The following ZNF75D variants were observed in gnomAD, a reference collection of about 807,000 sequenced individuals.
The protein encoded by ZNF75D is zinc finger protein 75D, also known as zinc finger protein 75.
Under a neutral mutation model 33.3 loss-of-function variants are expected in ZNF75D, and 33 were observed. The observed-to-expected ratio is 0.99, with a 90% CI of 0.75 to 1.32. The LOEUF is 1.32. ZNF75D is among the 40% of genes most tolerant of loss of function. ZNF75D has a pLI of 0.00. For synonymous variants in ZNF75D, 113 were observed against 130.6 expected (o/e 0.87, Z 0.92); for missense variants, 338 against 367.5 (o/e 0.92, Z 0.66).
At chrX:135,282,649 G>A (rs1293577667), downstream of ZNF75D, among the ~76,000 whole-genome samples, 1 of 111,819 alleles carries the variant, frequency 8.9e-6, no homozygotes, top group Non-Finnish European at 1.9e-5. Flanking sequence ...TGGTCTGTGG[G>A]TTGTGAATAC....
chrX:135,309,841 T>C (rs1447338280), intron 1 of ZNF75D, among the ~76,000 whole-genome samples: 3 of 111,909 alleles, frequency 2.7e-5, no homozygotes, highest in African/African-American at 9.7e-5. Context: ...TGACAGGGCT[T>C]ACTTGGGTTA....
Position 135,278,940 on chromosome X carries a change from C to T in ZNF75D, n.828-23163G>A, listed in dbSNP as rs149277489. 1.1e-4 allele frequency among the ~76,000 whole-genome samples: 12 copies of T among 111,469 alleles called. No homozygotes were observed. The East Asian group carries it at 3.4e-3, about 31-fold the overall frequency. ...ATTGATGTTTATCAGGGATATTGGCCTGAAATTTTCTTTTGTGTGTGTGTG... is the reference window on the plus strand; with the variant it reads ...ATTGATGTTTATCAGGGATATTGGCTTGAAATTTTCTTTTGTGTGTGTGTG... On this transcript the variant is annotated intron_variant and non_coding_transcript_variant, in intron 1 of 3. Transcript: ENST00000494295.
intron 1 of ZNF75D, among the ~76,000 whole-genome samples, chrX:135,324,245 C>A (rs2084533294): frequency 9.0e-6 from 1 of 111,460 alleles, no homozygotes; most frequent in Admixed American, 9.5e-5. Context: ...AGAAGTGAAC[C>A]CAATTGATCT....
rs190740920 is a variant in ZNF75D at position 135,276,861 on chromosome X, A to G, written n.828-21084T>C. 3.4e-3 allele frequency among the ~76,000 whole-genome samples: 386 copies of G among 111,997 alleles called. 1 individual carries two copies. The highest frequency in any genetic ancestry group is 5.9e-3 in the Non-Finnish European group (314 of 53,185). The stretch of plus-strand genomic sequence containing the variant: ...GACTGCATAGTATTCCGTGGTGTAT[A>G]TGTGTCACTTTTTCTTTATCCAGTC... On this transcript the variant is annotated intron_variant and non_coding_transcript_variant, in intron 1 of 3. Coordinates refer to the ZNF75D transcript ENST00000494295.
chrX:135,280,040 T>C (rs1172831153), intron 1 of ZNF75D, among the ~76,000 whole-genome samples: 3 of 111,448 alleles, frequency 2.7e-5, no homozygotes, highest in African/African-American at 9.8e-5. Context: ...AATATGCTTG[T>C]TAATTTTCTG....
At chrX:135,289,445 G>A (rs2084003657) in intron 6 of ZNF75D, among the ~76,000 whole-genome samples, 1 of 111,729 alleles carries the variant, frequency 9.0e-6, no homozygotes, top group East Asian at 2.8e-4. Flanking sequence ...GTGAAACCAT[G>A]TCTCCAACAA....
chrX:135,319,903 C>T (rs977713746), intron 1 of ZNF75D, among the ~76,000 whole-genome samples: 2 of 112,619 alleles, frequency 1.8e-5, no homozygotes, highest in East Asian at 5.5e-4. Flanking sequence ...ATTCTACCTA[C>T]TGTTTCTTAG....
At chrX:135,337,794 G>A (rs1393002955) in intron 1 of ZNF75D, among the ~76,000 whole-genome samples, 2 of 111,459 alleles carry the variant, frequency 1.8e-5, no homozygotes, top group Non-Finnish European at 3.8e-5. Context: ...CTACCGAGAT[G>A]TTCCCTTATG....
intron 1 of ZNF75D, among the ~76,000 whole-genome samples, chrX:135,303,210 A>G (rs1556425090): frequency 9.2e-6 from 1 of 109,182 alleles, no homozygotes; most frequent in South Asian, 4.1e-4. Flanking sequence ...GGCAGGAGAC[A>G]GATGCCTTCC....
At chrX:135,289,876 T>C (rs1336790989) in intron 6 of ZNF75D, among the ~76,000 whole-genome samples, 3 of 111,899 alleles carry the variant, frequency 2.7e-5, no homozygotes, top group Non-Finnish European at 3.8e-5. Context: ...TTTGATTGCC[T>C]AGTAGTCCTT....
intron 1 of ZNF75D, among the ~76,000 whole-genome samples, chrX:135,257,398 G>C (rs2083808893): frequency 8.8e-6 from 1 of 113,195 alleles, no homozygotes; most frequent in African/African-American, 3.2e-5. Context: ...CCATGGACCA[G>C]TGGTGATGGT....
intron 1 of ZNF75D, among the ~76,000 whole-genome samples, chrX:135,264,684 A>G (rs2083856266): frequency 9.0e-6 from 1 of 111,662 alleles, no homozygotes; most frequent in South Asian, 3.7e-4. Flanking sequence ...AATTTCACAA[A>G]AGATTGAAAT....
chrX:135,271,552 C>T (rs868991531), intron 1 of ZNF75D, among the ~76,000 whole-genome samples: 2 of 112,006 alleles, frequency 1.8e-5, no homozygotes, highest in South Asian at 7.5e-4. Flanking sequence ...TAATGTCTTG[C>T]AAAGCCAGTG....
chrX:135,318,502 G>T (rs781866581), intron 1 of ZNF75D, among the ~76,000 whole-genome samples: 1 of 111,160 alleles, frequency 9.0e-6, no homozygotes, highest in Non-Finnish European at 1.9e-5. Context: ...ATTTCATTTC[G>T]GAACTTAGAT....
chrX:135,315,338 C>G (rs1556430902), intron 1 of ZNF75D, among the ~76,000 whole-genome samples: 1 of 111,926 alleles, frequency 8.9e-6, no homozygotes, highest in Non-Finnish European at 1.9e-5. Context: ...ATTTGTTGAG[C>G]CTTTTTTTGG....
At chrX:135,309,352 A>G in intron 1 of ZNF75D, 2 of 289,369 alleles carry the variant, frequency 6.9e-6, no homozygotes, top group Admixed American at 1.2e-4. Flanking sequence ...ATGATGGCCC[A>G]AAGTGTGTGT....
chrX:135,337,687 T>C (rs1468565493), intron 1 of ZNF75D, among the ~76,000 whole-genome samples: 1 of 110,504 alleles, frequency 9.0e-6, no homozygotes, highest in African/African-American at 3.3e-5. Flanking sequence ...GAGGTAAATA[T>C]TGGAATCCTA....
Position 135,293,874 on chromosome X carries a change from C to T in ZNF75D, c.267G>A (p.Leu89=), listed in dbSNP as rs1556421980. Residue 89 remains leucine (L), a synonymous_variant, in exon 3 of 7, where the codon TTG becomes TTA. Transcript: ENST00000370766. ...RPEIHSKEQI[L]EMLVLEQFLS... ...GGAACTGCTCTAACACCAGCATTTC[C>T]AAGATCTGCTCTTTTGAGTGGATCT... The T allele has an allele frequency of 1.7e-6, 2 of 1,211,538 alleles. No homozygotes were observed.
At chrX:135,314,376 G>A (rs1272432837) in intron 1 of ZNF75D, among the ~76,000 whole-genome samples, 1 of 111,579 alleles carries the variant, frequency 9.0e-6, no homozygotes, top group Non-Finnish European at 1.9e-5. Flanking sequence ...TTTTTGATGT[G>A]CTGTTGAATT....
Sources: allele counts gnomAD v4.1 joint callset (sites outside exome capture counted in the v4.1 genomes callset), GRCh38; gene constraint gnomAD v4.1.1; transcripts MANE v1.5; gene names NCBI Gene and HGNC (gene_info 2026-07-23, HGNC 2026-07-21).